PDE4B: variants seen among roughly 807,000 people sequenced by gnomAD.
The protein encoded by PDE4B is 3',5'-cyclic-AMP phosphodiesterase 4B.
PDE4B carries 20 observed loss-of-function variants against 82.2 expected under a neutral mutation model. The observed-to-expected ratio is 0.24, with a 90% CI of 0.17 to 0.35. The LOEUF is 0.35. Among genes scored for constraint, PDE4B ranks in the 10% least tolerant of loss-of-function variants. PDE4B has a pLI of 1.00. For synonymous variants in PDE4B, 320 were observed against 318.9 expected, an observed-to-expected ratio of 1.00 and a Z score of -0.04; for missense variants, 655 against 907.2, an observed-to-expected ratio of 0.72 and a Z score of 3.57.
At chr1:65,811,554 A>T (rs1645821072) in intron 1 of PDE4B, among the ~76,000 whole-genome samples, 1 of 152,236 alleles carries the variant, frequency 6.6e-6, no homozygotes, top group African/African-American at 2.4e-5. Flanking sequence ...ACAGGTTTAC[A>T]TCTCATTCCT....
intron 3 of PDE4B, among the ~76,000 whole-genome samples, chr1:66,204,262 GCA>G (rs1649330267): frequency 1.3e-5 from 2 of 152,242 alleles, no homozygotes; most frequent in Non-Finnish European, 2.9e-5. Flanking sequence ...CCCCTACTGG[GCA>G]GTACCTCCCA....
intron 3 of PDE4B, among the ~76,000 whole-genome samples, chr1:66,114,137 T>C (rs1263079709): frequency 6.6e-6 from 1 of 152,120 alleles, no homozygotes; most frequent in East Asian, 1.9e-4. Flanking sequence ...CCATGGCCCT[T>C]CCACGATGTG....
chr1:65,861,441 G>C (rs777603358), intron 1 of PDE4B, among the ~76,000 whole-genome samples: 26 of 152,232 alleles, frequency 1.7e-4, no homozygotes, highest in Middle Eastern at 3.4e-3. Context: ...TGCTGTTTTG[G>C]TTACTGTAGC....
chr1:65,965,872 A>T (rs980507452), intron 3 of PDE4B, among the ~76,000 whole-genome samples: 1 of 152,170 alleles, frequency 6.6e-6, no homozygotes, highest in Non-Finnish European at 1.5e-5. Context: ...AGCTCTCAGT[A>T]AACTACGTAT....
intron 3 of PDE4B, among the ~76,000 whole-genome samples, chr1:66,100,534 T>C (rs992302416): frequency 6.6e-6 from 1 of 152,146 alleles, no homozygotes; most frequent in Admixed American, 6.6e-5. Context: ...TCCTCTATGA[T>C]TAATCTAATC....
chr1:66,148,260 A>G (rs1324183590), intron 3 of PDE4B, among the ~76,000 whole-genome samples: 1 of 152,080 alleles, frequency 6.6e-6, no homozygotes, highest in African/African-American at 2.4e-5. Flanking sequence ...ATAGAGTGAG[A>G]TGCTGTCTTT....
intron 9 of PDE4B, among the ~76,000 whole-genome samples, chr1:66,357,693 A>T (rs1662365368): frequency 6.6e-6 from 1 of 152,018 alleles, no homozygotes; most frequent in African/African-American, 2.4e-5. Context: ...GGTAAACCCC[A>T]TCAAACAGAC....
chr1:66,198,841 A>G (rs985506854), intron 3 of PDE4B, among the ~76,000 whole-genome samples: 3 of 147,154 alleles, frequency 2.0e-5, no homozygotes, highest in African/African-American at 7.6e-5. Context: ...ATTCCCACCT[A>G]TGAGTGAGAA....
intron 7 of PDE4B, among the ~76,000 whole-genome samples, chr1:66,299,098 T>C (rs1197241277): frequency 6.6e-6 from 1 of 152,124 alleles, no homozygotes. Context: ...AATCCTCTCT[T>C]CTAGCTTTGA....
chr1:66,131,684 A>G (rs1484497832), intron 3 of PDE4B, among the ~76,000 whole-genome samples: 2 of 133,064 alleles, frequency 1.5e-5, no homozygotes, highest in Non-Finnish European at 3.1e-5. Context: ...GAACTCTTTT[A>G]GTAATAACAC....
chr1:66,138,775 C>T (rs1485022693), intron 3 of PDE4B, among the ~76,000 whole-genome samples: 1 of 152,124 alleles, frequency 6.6e-6, no homozygotes, highest in East Asian at 1.9e-4. Flanking sequence ...ATATTAAACC[C>T]AAATCACCAA....
intron 3 of PDE4B, among the ~76,000 whole-genome samples, chr1:65,948,252 C>T (rs1648812101): frequency 6.6e-6 from 1 of 151,700 alleles, no homozygotes; most frequent in African/African-American, 2.4e-5. Flanking sequence ...AGTTGACTTC[C>T]ATATACCTCT....
chr1:66,298,216 T>C (rs529550961), intron 7 of PDE4B, among the ~76,000 whole-genome samples: 11 of 152,300 alleles, frequency 7.2e-5, no homozygotes, highest in African/African-American at 2.6e-4. Context: ...ATAGTCATAT[T>C]ATGCTGTCTG....
chr1:66,153,682 C>T (rs1044733032), intron 3 of PDE4B, among the ~76,000 whole-genome samples: 2 of 152,146 alleles, frequency 1.3e-5, no homozygotes, highest in Non-Finnish European at 2.9e-5. Flanking sequence ...ATAAGTCAAC[C>T]GTAGGTGTCC....
At chr1:66,265,977 C>T (rs1434561008) in intron 6 of PDE4B, 61 bp from the exon 7 acceptor site, 7 of 1,227,802 alleles carry the variant, frequency 5.7e-6, no homozygotes, top group African/African-American at 1.5e-5. Flanking sequence ...GGTGGGGTGT[C>T]GGGGGTGGAA....
intron 3 of PDE4B, among the ~76,000 whole-genome samples, chr1:65,971,786 C>CT (rs1650154125): frequency 1.3e-5 from 2 of 152,258 alleles, no homozygotes; most frequent in Non-Finnish European, 2.9e-5. Context: ...CCAAAATTGA[C>CT]TAACTCCAAG....
chr1:66,325,750 T>G (rs951922599), intron 7 of PDE4B, among the ~76,000 whole-genome samples: 2 of 152,138 alleles, frequency 1.3e-5, no homozygotes, highest in African/African-American at 2.4e-5. Context: ...GACTCAGCTG[T>G]CAAATACATG....
intron 3 of PDE4B, among the ~76,000 whole-genome samples, chr1:66,188,894 T>G (rs1453592268): frequency 6.6e-6 from 1 of 152,218 alleles, no homozygotes; most frequent in African/African-American, 2.4e-5. Context: ...TAGCTGGGTA[T>G]TTTGCTCATT....
chr1:66,131,622 T>TATATATATATATATA (rs1645951207), intron 3 of PDE4B, among the ~76,000 whole-genome samples: 1 of 117,370 alleles, frequency 8.5e-6, no homozygotes, highest in Non-Finnish European at 1.8e-5. Flanking sequence ...TATATATATA[T>TATATATATATATATA]ATATATATAT....
Sources: gnomAD v4.1 joint callset for allele counts (sites outside exome capture counted in the v4.1 genomes callset) on GRCh38, gnomAD v4.1.1 for gene constraint, MANE v1.5 for transcripts, NCBI Gene and HGNC (gene_info 2026-07-23, HGNC 2026-07-21) for gene names.